Variants in NSUN6 observed in about 807,000 individuals in gnomAD.
The protein encoded by NSUN6 is tRNA (cytosine(72)-C(5))-methyltransferase NSUN6.
Under a neutral mutation model 58.0 loss-of-function variants are expected in NSUN6, and 64 were observed. The ratio of observed to expected loss-of-function variants is 1.10; its 90% CI spans 0.90 to 1.36. The LOEUF (loss-of-function observed/expected upper bound fraction) is 1.36. Ranked by LOEUF, NSUN6 falls within the 40% of genes most tolerant of loss-of-function variation. The probability of loss-of-function intolerance (pLI) is 0.00; values close to 1 mark genes in which losing one functional copy is unlikely to be tolerated. For missense variants in NSUN6, 701 were observed against 550.1 expected (o/e 1.27, Z -2.74); for synonymous variants, 231 against 193.9 (o/e 1.19, Z -1.59).
chr10:18,548,618 T>A (rs2054428847), intron 9 of NSUN6, among the ~76,000 whole-genome samples: 1 of 152,212 alleles, frequency 6.6e-6, no homozygotes, highest in Non-Finnish European at 1.5e-5. Flanking sequence ...TCTTATTTTT[T>A]TAAATAGAGA....
intron 3 of NSUN6, among the ~76,000 whole-genome samples, chr10:18,632,178 G>C (rs1373287063): frequency 2.0e-5 from 3 of 152,050 alleles, no homozygotes; most frequent in African/African-American, 7.2e-5. Context: ...TTAATAAATG[G>C]TGCTGGCAAA....
chr10:18,556,042 T>C (rs1401790658), intron 8 of NSUN6, among the ~76,000 whole-genome samples: 2 of 143,220 alleles, frequency 1.4e-5, no homozygotes, highest in Non-Finnish European at 3.0e-5. Context: ...TGGAGAATGG[T>C]GTGGAATGGA....
At position 18,617,619 on chromosome 10, in the gene NSUN6, C is replaced by G. The variant is rs370834027; in HGVS notation, c.312-1326G>C. On this transcript the variant is annotated intron_variant, in intron 3 of 10. Transcript: ENST00000377304. Reference sequence around the variant, plus strand: ...CCATTCCTCCACTCCTTGGCAGGATCCCAAATCTTTTCATCCTGTTTCCAA... The same window carrying G: ...CCATTCCTCCACTCCTTGGCAGGATGCCAAATCTTTTCATCCTGTTTCCAA... Among the ~76,000 whole-genome samples, 7 of 152,202 alleles carry G rather than the reference C, an allele frequency of 4.6e-5. No individual in the cohort carries two copies. In the South Asian group the frequency reaches 8.3e-4, roughly 18 times the overall value.
chr10:18,631,703 T>G (rs2059036716), intron 3 of NSUN6, among the ~76,000 whole-genome samples: 1 of 149,014 alleles, frequency 6.7e-6, no homozygotes, highest in East Asian at 2.0e-4. Context: ...ACAAGGGATG[T>G]GAAGGACCTC....
intron 2 of NSUN6, 35 bp from the exon 3 acceptor site, chr10:18,642,590 T>C (rs1485216789): frequency 1.1e-5 from 10 of 939,546 alleles, no homozygotes; most frequent in Non-Finnish European, 1.5e-5. Flanking sequence ...AAGTAATCCA[T>C]ACATTTGATA....
intron 3 of NSUN6, among the ~76,000 whole-genome samples, chr10:18,618,379 C>T (rs1312526064): frequency 6.6e-6 from 1 of 151,978 alleles, no homozygotes; most frequent in Non-Finnish European, 1.5e-5. Flanking sequence ...ATACCTGAGA[C>T]TCATTAAAAA....
At chr10:18,648,679 A>AAT in intron 1 of NSUN6, 34 bp from the exon 2 acceptor site, 1 of 1,318,572 alleles carries the variant, frequency 7.6e-7, no homozygotes, top group Non-Finnish European at 1.1e-6. Context: ...TTTCCTGAGA[A>AAT]TTAAAAACAG....
intron 10 of NSUN6, 74 bp from the exon 11 acceptor site, chr10:18,546,219 A>C (rs2054251152): frequency 1.9e-6 from 2 of 1,055,918 alleles, no homozygotes; most frequent in Non-Finnish European, 1.5e-6. Context: ...ATTTAAGTTA[A>C]AAGACAAATT....
At chr10:18,583,459 AAT>A (rs765783078) in intron 8 of NSUN6, among the ~76,000 whole-genome samples, 8 of 152,222 alleles carry the variant, frequency 5.3e-5, no homozygotes, top group African/African-American at 7.2e-5. Flanking sequence ...CCGAAAAAAG[AAT>A]ATGAGATATG....
intron 7 of NSUN6, among the ~76,000 whole-genome samples, chr10:18,595,248 G>A (rs549008977): frequency 2.6e-5 from 4 of 152,212 alleles, no homozygotes; most frequent in East Asian, 3.9e-4. Context: ...GTTGTATGCC[G>A]CCAAAATTTT....
At chr10:18,572,591 T>G (rs2056432025) in intron 8 of NSUN6, among the ~76,000 whole-genome samples, 1 of 151,024 alleles carries the variant, frequency 6.6e-6, no homozygotes, top group South Asian at 2.1e-4. Context: ...CTATTTCAAC[T>G]CCATTCCATT....
intron 8 of NSUN6, among the ~76,000 whole-genome samples, chr10:18,563,958 T>C (rs755473710): frequency 8.6e-5 from 13 of 150,844 alleles, no homozygotes; most frequent in Non-Finnish European, 1.9e-4. Flanking sequence ...CCATTCTCGA[T>C]TCCTTTCTAT....
chr10:18,554,415 G>A (rs1184350614), intron 8 of NSUN6, among the ~76,000 whole-genome samples: 2 of 150,796 alleles, frequency 1.3e-5, no homozygotes, highest in Non-Finnish European at 3.0e-5. Flanking sequence ...ATGGAATAGA[G>A]AATGGAATGG....
intron 6 of NSUN6, among the ~76,000 whole-genome samples, chr10:18,596,860 A>G (rs2057607746): frequency 6.6e-6 from 1 of 152,112 alleles, no homozygotes; most frequent in African/African-American, 2.4e-5. Flanking sequence ...TTTAAACTCC[A>G]CTTGGGAACA....
At chr10:18,613,183 A>ACC in intron 5 of NSUN6, among the ~76,000 whole-genome samples, 1 of 151,898 alleles carries the variant, frequency 6.6e-6, no homozygotes, top group South Asian at 2.1e-4. Context: ...GCTCACTGCA[A>ACC]CCCCCCGGGT....
intron 3 of NSUN6, among the ~76,000 whole-genome samples, chr10:18,640,644 T>C (rs1590176807): frequency 6.6e-6 from 1 of 152,114 alleles, no homozygotes; most frequent in Non-Finnish European, 1.5e-5. Flanking sequence ...TCTGGGATAA[T>C]GGAAATGCTC....
intron 8 of NSUN6, among the ~76,000 whole-genome samples, chr10:18,569,883 T>G (rs1446923186): frequency 6.6e-6 from 1 of 151,056 alleles, no homozygotes; most frequent in Admixed American, 6.6e-5. Flanking sequence ...CTCCATTCCA[T>G]TCCATTCTCC....
intron 2 of NSUN6, among the ~76,000 whole-genome samples, chr10:18,646,416 G>A (rs2059548237): frequency 6.6e-6 from 1 of 152,060 alleles, no homozygotes; most frequent in Non-Finnish European, 1.5e-5. Flanking sequence ...TCTGACCGAA[G>A]CTTCCCTGTC....
At chr10:18,629,744 A>T (rs977849345) in intron 3 of NSUN6, among the ~76,000 whole-genome samples, 1 of 147,982 alleles carries the variant, frequency 6.8e-6, no homozygotes, top group Admixed American at 6.7e-5. Context: ...GAGCACCCAG[A>T]TTCATAAAGC....
Sources: gnomAD v4.1 joint callset for allele counts (sites outside exome capture counted in the v4.1 genomes callset) on GRCh38, gnomAD v4.1.1 for gene constraint, MANE v1.5 for transcripts, NCBI Gene and HGNC (gene_info 2026-07-23, HGNC 2026-07-21) for gene names.